DOCK1: variants seen among roughly 807,000 people sequenced by gnomAD.
The protein encoded by DOCK1 is dedicator of cytokinesis 1.
A neutral mutation model predicts 262.7 loss-of-function variants in DOCK1; 138 were observed. The ratio of observed to expected loss-of-function variants is 0.53; its 90% CI spans 0.46 to 0.61. The LOEUF (loss-of-function observed/expected upper bound fraction) is 0.61. Among genes scored for constraint, DOCK1 ranks in the 20% least tolerant of loss-of-function variants. The pLI is 0.00. For missense variants in DOCK1, 1,908 were observed against 2,370.7 expected, an observed-to-expected ratio of 0.80 and a Z score of 4.05; for synonymous variants, 866 against 867.4, an observed-to-expected ratio of 1.00 and a Z score of 0.03.
intron 29 of DOCK1, among the ~76,000 whole-genome samples, chr10:127,270,077 G>A (rs544595651): frequency 2.3e-4 from 35 of 152,100 alleles, no homozygotes; most frequent in Non-Finnish European, 3.8e-4. Flanking sequence ...CTGGAGTTCC[G>A]GAAGCCAGCT....
At chr10:127,107,213 C>A (rs1316465075) in intron 24 of DOCK1, among the ~76,000 whole-genome samples, 2 of 152,152 alleles carry the variant, frequency 1.3e-5, no homozygotes, top group African/African-American at 4.8e-5. Context: ...AATAAACTAC[C>A]TGTGGGTGAA....
chr10:127,146,286 T>C (rs1206556668), intron 27 of DOCK1, among the ~76,000 whole-genome samples: 3 of 152,232 alleles, frequency 2.0e-5, no homozygotes, highest in African/African-American at 4.8e-5. Flanking sequence ...AAATAATATG[T>C]TGAGATGGGT....
intron 37 of DOCK1, among the ~76,000 whole-genome samples, chr10:127,381,887 C>T (rs2065845641): frequency 6.6e-6 from 1 of 152,228 alleles, no homozygotes; most frequent in Admixed American, 6.5e-5. Context: ...GGCATGACAA[C>T]TGTCTACTCT....
At position 126,969,961 on chromosome 10, in the gene DOCK1, G is replaced by A. The variant is rs11812117; in HGVS notation, c.47-741G>A. Among the ~76,000 whole-genome samples the A allele has an allele frequency of 8.9e-3, 1,361 of 152,280 alleles. 12 individuals are homozygous for A. The highest frequency in any genetic ancestry group is 0.027 in the Middle Eastern group (8 of 294). ...TATATTGAATGCTATATCCTATTAGGTAGAGGCTGTTGGGTAGGAGGAACA... is the reference window on the plus strand; with the variant it reads ...TATATTGAATGCTATATCCTATTAGATAGAGGCTGTTGGGTAGGAGGAACA... On this transcript the variant is annotated intron_variant, in intron 1 of 51. Transcript: ENST00000623213.
intron 33 of DOCK1, among the ~76,000 whole-genome samples, chr10:127,365,189 T>G (rs1280006755): frequency 6.6e-6 from 1 of 152,252 alleles, no homozygotes; most frequent in East Asian, 1.9e-4. Flanking sequence ...GTAAGTTGTT[T>G]GCAGATTTTC....
intron 1 of DOCK1, among the ~76,000 whole-genome samples, chr10:126,959,350 T>C (rs985101791): frequency 7.9e-5 from 12 of 152,162 alleles, no homozygotes; most frequent in African/African-American, 2.9e-4. Flanking sequence ...CAAAGAAACA[T>C]GTTTTGGGGT....
chr10:127,361,335 CG>C (rs1321581512), intron 32 of DOCK1, among the ~76,000 whole-genome samples: 1 of 151,968 alleles, frequency 6.6e-6, no homozygotes, highest in Non-Finnish European at 1.5e-5. Context: ...AGGATGGTCT[CG>C]ATCTCCTGAC....
chr10:127,327,979 CAT>C (rs951650640), intron 29 of DOCK1, among the ~76,000 whole-genome samples: 5 of 152,098 alleles, frequency 3.3e-5, no homozygotes, highest in African/African-American at 1.2e-4. Context: ...GCACACCCCA[CAT>C]AGAGAGACCC....
At chr10:127,230,220 C>G (rs1365459123) in intron 27 of DOCK1, among the ~76,000 whole-genome samples, 3 of 152,150 alleles carry the variant, frequency 2.0e-5, no homozygotes, top group Non-Finnish European at 2.9e-5. Context: ...TAGGGAGTCT[C>G]TTCACTCTGG....
intron 23 of DOCK1, among the ~76,000 whole-genome samples, chr10:127,074,695 C>G (rs553629253): frequency 3.2e-4 from 48 of 152,102 alleles, no homozygotes; most frequent in Non-Finnish European, 5.4e-4. Context: ...TTTTTTAAAT[C>G]ACAAATTGTC....
At chr10:127,143,671 G>T (rs2051497825) in intron 27 of DOCK1, among the ~76,000 whole-genome samples, 2 of 152,172 alleles carry the variant, frequency 1.3e-5, no homozygotes, top group African/African-American at 4.8e-5. Context: ...AGTGCCATGG[G>T]CAACACCAGC....
chr10:127,427,317 G>A (rs535961451), intron 47 of DOCK1, among the ~76,000 whole-genome samples: 3 of 152,316 alleles, frequency 2.0e-5, no homozygotes, highest in East Asian at 1.9e-4. Flanking sequence ...AGTGGGGTGT[G>A]CCATTTTGGT....
At chr10:126,963,602 TC>T in intron 1 of DOCK1, among the ~76,000 whole-genome samples, 1 of 53,248 alleles carries the variant, frequency 1.9e-5, no homozygotes, top group Non-Finnish European at 3.2e-5. Context: ...TCCCTTCCCT[TC>T]CCTTCCCTTC....
chr10:127,007,859 G>A (rs745610359), intron 10 of DOCK1, among the ~76,000 whole-genome samples: 2 of 152,178 alleles, frequency 1.3e-5, no homozygotes, highest in Non-Finnish European at 2.9e-5. Flanking sequence ...GTAGGTTACT[G>A]AGGATTTGCC....
rs750875477 is a variant in DOCK1 at position 127,235,915 on chromosome 10, C to T, written c.2848-12093C>T. 7.1e-4 allele frequency among the ~76,000 whole-genome samples: 108 copies of T among 151,832 alleles called. 1 individual carries two copies. Among genetic ancestry groups the T allele is most frequent in the Non-Finnish European group, 1.5e-3 (101 of 67,952 alleles). On this transcript the variant is annotated intron_variant, in intron 27 of 51. Coordinates refer to ENST00000623213, the MANE Select transcript of DOCK1 (RefSeq NM_001290223.2). ...CATGTGCATCTTGGCCATTTGTGTT[C>T]CTTTTTTGATTAAATATCTGCTCAC...
chr10:126,908,156 C>T (rs998883071), intron 1 of DOCK1, among the ~76,000 whole-genome samples: 24 of 152,130 alleles, frequency 1.6e-4, no homozygotes, highest in African/African-American at 5.3e-4. Context: ...TGAGCATGAG[C>T]GCAATGGGGC....
At chr10:126,996,089 G>A (rs1371285465) in intron 6 of DOCK1, among the ~76,000 whole-genome samples, 3 of 152,036 alleles carry the variant, frequency 2.0e-5, no homozygotes, top group Non-Finnish European at 4.4e-5. Flanking sequence ...TACATATGTA[G>A]TATGCCTTAG....
intron 23 of DOCK1, among the ~76,000 whole-genome samples, chr10:127,077,042 A>G (rs2046604732): frequency 6.6e-6 from 1 of 152,172 alleles, no homozygotes; most frequent in South Asian, 2.1e-4. Context: ...GATTCTTGAA[A>G]GAAAATGTCA....
At chr10:127,294,407 C>T (rs147616593) in intron 29 of DOCK1, among the ~76,000 whole-genome samples, 1,572 of 152,226 alleles carry the variant, frequency 0.01, 13 homozygotes, top group Non-Finnish European at 0.016. Flanking sequence ...CTGCAACCTC[C>T]GCCTCCCAGG....
Sources: gnomAD v4.1 joint callset for allele counts (sites outside exome capture counted in the v4.1 genomes callset) on GRCh38, gnomAD v4.1.1 for gene constraint, MANE v1.5 for transcripts, NCBI Gene and HGNC (gene_info 2026-07-23, HGNC 2026-07-21) for gene names.